The following EMCN variants were observed in gnomAD, a reference collection of about 807,000 sequenced individuals.
EMCN encodes endomucin.
Under a neutral mutation model 38.4 loss-of-function variants are expected in EMCN, and 37 were observed. The ratio of observed to expected loss-of-function variants is 0.96; its 90% CI spans 0.74 to 1.27. EMCN has a LOEUF of 1.27. Among genes scored for constraint, EMCN ranks in the 50% most tolerant of loss-of-function variants. The probability of loss-of-function intolerance (pLI) is 0.00; values close to 1 mark genes in which losing one functional copy is unlikely to be tolerated. For missense variants in EMCN, 318 were observed against 302.8 expected (o/e 1.05, Z -0.37); for synonymous variants, 95 against 100.8 (o/e 0.94, Z 0.35).
intron 5 of EMCN, among the ~76,000 whole-genome samples, chr4:100,446,946 G>A (rs1727688360): frequency 6.6e-6 from 1 of 152,148 alleles, no homozygotes; most frequent in Non-Finnish European, 1.5e-5. Context: ...TAAGTACCAG[G>A]TAGGATGTAG....
chr4:100,401,608 T>C (rs1726262468), intron 11 of EMCN, among the ~76,000 whole-genome samples: 1 of 152,196 alleles, frequency 6.6e-6, no homozygotes, highest in Admixed American at 6.6e-5. Flanking sequence ...TTGAAAAACA[T>C]GTTAAGCTCT....
intron 5 of EMCN, among the ~76,000 whole-genome samples, chr4:100,432,842 A>T (rs935036549): frequency 3.3e-5 from 5 of 152,150 alleles, no homozygotes; most frequent in East Asian, 3.8e-4. Context: ...ATAAATTTTT[A>T]AAAATAAATT....
At chr4:100,423,491 C>T in intron 5 of EMCN, 87 bp from the exon 6 acceptor site, 1 of 895,136 alleles carries the variant, frequency 1.1e-6, no homozygotes. Context: ...GTTTGCTTTT[C>T]TGAAGATCTG....
intron 4 of EMCN, among the ~76,000 whole-genome samples, chr4:100,455,819 G>A (rs1728000814): frequency 6.6e-6 from 1 of 151,810 alleles, no homozygotes; most frequent in Admixed American, 6.6e-5. Flanking sequence ...TCTTGAGACA[G>A]AGTTTCACTC....
At chr4:100,403,847 T>A (rs1047710939) in intron 11 of EMCN, among the ~76,000 whole-genome samples, 1 of 152,294 alleles carries the variant, frequency 6.6e-6, no homozygotes, top group African/African-American at 2.4e-5. Context: ...CTTTTGCATA[T>A]GCTTGTTGGC....
At chr4:100,441,839 AT>A in intron 5 of EMCN, among the ~76,000 whole-genome samples, 1 of 152,180 alleles carries the variant, frequency 6.6e-6, no homozygotes. Context: ...TTGTATATTT[AT>A]TAACAACTTG....
Position 100,459,168 on chromosome 4 carries a change from GCTCTCTCT to G in EMCN, c.376+6247_376+6254del, listed in dbSNP as rs70958363. Among the ~76,000 whole-genome samples, 1,076 of 132,684 alleles carry G rather than the reference GCTCTCTCT, an allele frequency of 8.1e-3. 9 individuals are homozygous for G. The highest frequency in any genetic ancestry group is 0.01 in the Non-Finnish European group (630 of 60,932). The allele number at this position is 132,684 out of a possible 152,430, so 87.0% of individuals were successfully genotyped here. On this transcript the variant is annotated intron_variant, in intron 4 of 11. Transcript: ENST00000296420. Reference sequence around the variant, plus strand: ...CTAGCTGGAGCCATTGCCCTCAGATGCTCTCTCTCTCTCTCTCTCTCTCTCTCTCTCTC... The same window carrying G: ...CTAGCTGGAGCCATTGCCCTCAGATGCTCTCTCTCTCTCTCTCTCTCTCTC...
At chr4:100,437,460 T>TAA (rs34309945) in intron 5 of EMCN, among the ~76,000 whole-genome samples, 129,062 of 150,306 alleles carry the variant, frequency 0.86, 55,720 homozygotes, top group South Asian at 0.95. Context: ...TGGTCTGATA[T>TAA]AAAAAAAAAA....
intron 5 of EMCN, among the ~76,000 whole-genome samples, chr4:100,443,372 C>T (rs908782729): frequency 6.6e-6 from 1 of 152,152 alleles, no homozygotes; most frequent in African/African-American, 2.4e-5. Context: ...GCCAGTTGGG[C>T]AGGGCGCCTC....
At chr4:100,444,582 T>C (rs1727615424) in intron 5 of EMCN, among the ~76,000 whole-genome samples, 1 of 152,022 alleles carries the variant, frequency 6.6e-6, no homozygotes, top group African/African-American at 2.4e-5. Flanking sequence ...GAGTGCACAG[T>C]AACTGGAATG....
Position 100,517,917 on chromosome 4 carries a change from T to C in EMCN, c.-3A>G. On this transcript the variant is annotated 5_prime_UTR_variant, in exon 1 of 12. Coordinates refer to ENST00000296420, the MANE Select transcript of EMCN (RefSeq NM_016242.4). ...ATGGTCACTTGAAGCAGTTCCATGG[T>C]GCCCGTAGATGGTGTCAATATCTTC... is the stretch of plus-strand genomic sequence containing the variant. 1 of 1,612,522 alleles carries C rather than the reference T, an allele frequency of 6.2e-7. No individual in the cohort carries two copies. The highest frequency in any genetic ancestry group is 8.5e-7 in the Non-Finnish European group (1 of 1,178,846).
At chr4:100,513,272 G>A (rs1437958874) in intron 1 of EMCN, among the ~76,000 whole-genome samples, 1 of 152,076 alleles carries the variant, frequency 6.6e-6, no homozygotes, top group Non-Finnish European at 1.5e-5. Context: ...TTCTATATTG[G>A]TTTAGTCTTC....
intron 11 of EMCN, among the ~76,000 whole-genome samples, chr4:100,401,621 T>C (rs950242019): frequency 6.6e-6 from 1 of 152,176 alleles, no homozygotes; most frequent in Non-Finnish European, 1.5e-5. Context: ...TAAGCTCTTC[T>C]GGAAGTTCAC....
chr4:100,444,791 A>G (rs1578198811), intron 5 of EMCN, among the ~76,000 whole-genome samples: 1 of 152,124 alleles, frequency 6.6e-6, no homozygotes, highest in East Asian at 1.9e-4. Context: ...AGCAGGAGCC[A>G]TGAGACAAGA....
chr4:100,414,416 T>G (rs1246093609), intron 10 of EMCN, among the ~76,000 whole-genome samples: 1 of 148,556 alleles, frequency 6.7e-6, no homozygotes, highest in Non-Finnish European at 1.5e-5. Flanking sequence ...CCTGGCTACT[T>G]AGTAAAGGCT....
At chr4:100,408,081 T>G (rs1372097805) in intron 11 of EMCN, among the ~76,000 whole-genome samples, 3 of 152,200 alleles carry the variant, frequency 2.0e-5, no homozygotes, top group Admixed American at 2.0e-4. Flanking sequence ...AGATCAGTTT[T>G]GTTCTTTCTT....
chr4:100,492,926 T>A (rs768309479), intron 1 of EMCN, among the ~76,000 whole-genome samples: 10 of 152,306 alleles, frequency 6.6e-5, no homozygotes, highest in Non-Finnish European at 1.5e-4. Context: ...CAGCTTAACC[T>A]TTTTAGCCTC....
At chr4:100,430,111 C>G (rs1306515754) in intron 5 of EMCN, among the ~76,000 whole-genome samples, 1 of 152,116 alleles carries the variant, frequency 6.6e-6, no homozygotes, top group Non-Finnish European at 1.5e-5. Flanking sequence ...ATTTTATTTT[C>G]AAACCCTTAA....
At chr4:100,451,392 G>C (rs1314000913) in intron 4 of EMCN, among the ~76,000 whole-genome samples, 3 of 151,212 alleles carry the variant, frequency 2.0e-5, no homozygotes, top group Non-Finnish European at 4.4e-5. Flanking sequence ...GGTAGGAGGA[G>C]GAAAGAAGGA....
Sources: allele counts gnomAD v4.1 joint callset (sites outside exome capture counted in the v4.1 genomes callset), GRCh38; gene constraint gnomAD v4.1.1; transcripts MANE v1.5; gene names NCBI Gene and HGNC (gene_info 2026-07-23, HGNC 2026-07-21).